The following ADAD1 variants were observed in gnomAD, a reference collection of about 807,000 sequenced individuals.
ADAD1 encodes the protein adenosine deaminase domain-containing protein 1.
ADAD1 carries 46 observed loss-of-function variants against 66.8 expected under a neutral mutation model. The observed-to-expected ratio is 0.69, with a 90% CI of 0.54 to 0.88. ADAD1 has a LOEUF of 0.88. Ranked by LOEUF, ADAD1 falls within the 40% of genes least tolerant of loss-of-function variation. ADAD1 has a pLI of 0.00. For synonymous variants in ADAD1, 248 were observed against 229.4 expected (o/e 1.08, Z -0.73); for missense variants, 617 against 681.8 (o/e 0.91, Z 1.06).
At chr4:122,421,109 T>G (rs771527050) in intron 11 of ADAD1, 152 bp from the exon 12 acceptor site, 1 of 383,340 alleles carries the variant, frequency 2.6e-6, no homozygotes, top group East Asian at 5.1e-5. Context: ...AAAGTAAATA[T>G]TAAGAATGCC....
intron 11 of ADAD1, among the ~76,000 whole-genome samples, chr4:122,416,603 C>G (rs1217986377): frequency 6.6e-6 from 1 of 151,990 alleles, no homozygotes; most frequent in Non-Finnish European, 1.5e-5. Flanking sequence ...AGTGGGAGTG[C>G]ATACCTGGAG....
intron 12 of ADAD1, among the ~76,000 whole-genome samples, chr4:122,428,082 C>CAGAA (rs1560611718): frequency 6.6e-6 from 1 of 151,532 alleles, no homozygotes; most frequent in African/African-American, 2.4e-5. Flanking sequence ...GTGGGTAAAA[C>CAGAA]AATTAACTTA....
intron 11 of ADAD1, among the ~76,000 whole-genome samples, chr4:122,417,525 A>G (rs1354848418): frequency 6.6e-6 from 1 of 152,174 alleles, no homozygotes; most frequent in African/African-American, 2.4e-5. Flanking sequence ...AGCGGAAATT[A>G]TAGATGACAA....
intron 6 of ADAD1, 43 bp downstream of exon 6, chr4:122,393,700 C>A: frequency 1.4e-6 from 2 of 1,419,818 alleles, no homozygotes; most frequent in South Asian, 1.3e-5. Flanking sequence ...AAGAGTAGCC[C>A]AATTAAAAAT....
intron 7 of ADAD1, among the ~76,000 whole-genome samples, chr4:122,405,279 A>G (rs1796156704): frequency 6.6e-6 from 1 of 152,144 alleles, no homozygotes; most frequent in Non-Finnish European, 1.5e-5. Context: ...TCCATCCTAA[A>G]AATAAAACAA....
chr4:122,415,487 A>G lies in ADAD1; in HGVS notation c.1358A>G (p.His453Arg), dbSNP rs1796687816. ...ATGTTTTACTTAGTCAACAGACCTC[A>G]TATTAGTTTAGTACCCTCTGCATAT... ...LPMFYLVNRPHISLVPSAYPL... is the reference protein window; with the variant it reads ...LPMFYLVNRPRISLVPSAYPL... The change falls in exon 11 of 13, where the codon CAT becomes CGT. Residue 453 changes from histidine to arginine, a missense_variant. His to Arg is a conservative substitution (Grantham distance 29). Coordinates refer to ENST00000296513, the MANE Select transcript of ADAD1 (RefSeq NM_139243.4). The G allele has an allele frequency of 6.2e-7, 1 of 1,613,968 alleles. No individual in the cohort carries two copies. The highest frequency in any genetic ancestry group is 8.5e-7 in the Non-Finnish European group (1 of 1,179,892).
At chr4:122,415,875 C>T (rs1796709648) in intron 11 of ADAD1, among the ~76,000 whole-genome samples, 1 of 152,144 alleles carries the variant, frequency 6.6e-6, no homozygotes, top group Non-Finnish European at 1.5e-5. Context: ...GCAGAGTCAC[C>T]TTTCAAACCC....
chr4:122,421,431 T>G, intron 12 of ADAD1, 41 bp downstream of exon 12: 2 of 1,444,306 alleles, frequency 1.4e-6, no homozygotes, highest in Non-Finnish European at 1.9e-6. Flanking sequence ...GGAATAAAAT[T>G]TAAGACATTA....
chr4:122,399,053 T>C (rs1795847623), intron 7 of ADAD1, among the ~76,000 whole-genome samples: 1 of 152,212 alleles, frequency 6.6e-6, no homozygotes, highest in African/African-American at 2.4e-5. Flanking sequence ...TAAGCCAAAA[T>C]GTAGAAGAGT....
At chr4:122,428,709 G>C (rs1797372518) in intron 12 of ADAD1, among the ~76,000 whole-genome samples, 1 of 152,170 alleles carries the variant, frequency 6.6e-6, no homozygotes, top group Admixed American at 6.6e-5. Flanking sequence ...AAACTCTAGA[G>C]ACAGCAAGTA....
chr4:122,383,817 A>G lies in ADAD1; in HGVS notation c.380A>G (p.Tyr127Cys). 6.2e-7 allele frequency: 1 copy of G among 1,603,860 alleles called. No homozygotes were observed. The highest frequency in any genetic ancestry group is 1.7e-4 in the Middle Eastern group (1 of 6,016). Residue 127 changes from tyrosine (Y) to cysteine (C), a missense_variant, in exon 5 of 13, where the codon TAT becomes TGT. Coordinates refer to ENST00000296513, the MANE Select transcript of ADAD1 (RefSeq NM_139243.4). ...TTTCAAGGTAATGTTATGGGACCAT[A>G]TTTTGCCTTTTGTGCTGTGGTGGAT... is the stretch of plus-strand genomic sequence containing the variant. ...TVTTGNVMGP[Y>C]FAFCAVVDGI...
intron 5 of ADAD1, among the ~76,000 whole-genome samples, chr4:122,387,528 A>G (rs1795228805): frequency 6.6e-6 from 1 of 151,920 alleles, no homozygotes; most frequent in Non-Finnish European, 1.5e-5. Context: ...AATACCTTTT[A>G]TTTCTTTCTC....
chr4:122,422,985 A>G (rs1214495635), intron 12 of ADAD1, among the ~76,000 whole-genome samples: 1 of 151,012 alleles, frequency 6.6e-6, no homozygotes, highest in Non-Finnish European at 1.5e-5. Context: ...AAAAAGAAGA[A>G]GAAGAAGAAG....
At chr4:122,395,598 T>C (rs1795669244) in intron 6 of ADAD1, among the ~76,000 whole-genome samples, 1 of 151,830 alleles carries the variant, frequency 6.6e-6, no homozygotes, top group Non-Finnish European at 1.5e-5. Flanking sequence ...GAAGAATCGC[T>C]TGAACCCGGG....
At chr4:122,392,822 C>T (rs540469942) in intron 5 of ADAD1, among the ~76,000 whole-genome samples, 2 of 152,232 alleles carry the variant, frequency 1.3e-5, no homozygotes, top group South Asian at 2.1e-4. Context: ...AAAAGTCCAG[C>T]GTCTATGTAT....
chr4:122,396,285 A>G lies in ADAD1; in HGVS notation c.632A>G (p.Gln211Arg). 1 of 1,596,788 alleles carries G rather than the reference A, an allele frequency of 6.3e-7. No homozygotes were observed. The highest frequency in any genetic ancestry group is 8.5e-7 in the Non-Finnish European group (1 of 1,173,120). ...CATATTCAATATGCAAAGATTTCACAGATCGTTAAAGAAAGATTTAATCAA... is the reference window on the plus strand; with the variant it reads ...CATATTCAATATGCAAAGATTTCACGGATCGTTAAAGAAAGATTTAATCAA... ...GRHIQYAKIS[Q>R]IVKERFNQLI... Residue 211 changes from glutamine (Q) to arginine (R), a missense_variant, in exon 7 of 13, where the codon CAG becomes CGG. Transcript: ENST00000296513.
chr4:122,397,797 T>G (rs1391585832), intron 7 of ADAD1, among the ~76,000 whole-genome samples: 1 of 152,214 alleles, frequency 6.6e-6, no homozygotes, highest in African/African-American at 2.4e-5. Flanking sequence ...TCATGTTTCC[T>G]CATCCATAGG....
intron 11 of ADAD1, among the ~76,000 whole-genome samples, chr4:122,416,790 A>G (rs1351858575): frequency 6.6e-6 from 1 of 152,122 alleles, no homozygotes; most frequent in Non-Finnish European, 1.5e-5. Flanking sequence ...CTTAGTATGG[A>G]CTCAGTTAAG....
At chr4:122,422,035 G>T (rs1228566613) in intron 12 of ADAD1, among the ~76,000 whole-genome samples, 2 of 150,542 alleles carry the variant, frequency 1.3e-5, no homozygotes, top group Non-Finnish European at 3.0e-5. Flanking sequence ...ACGTATTTGT[G>T]TATGTATCTG....
Sources: gnomAD v4.1 joint callset for allele counts (sites outside exome capture counted in the v4.1 genomes callset) on GRCh38, gnomAD v4.1.1 for gene constraint, MANE v1.5 for transcripts, NCBI Gene and HGNC (gene_info 2026-07-23, HGNC 2026-07-21) for gene names.